Variants in MAML3 observed in about 807,000 individuals in gnomAD.
MAML3 encodes mastermind-like protein 3.
A neutral mutation model predicts 101.9 loss-of-function variants in MAML3; 27 were observed. The observed-to-expected ratio is 0.27, with a 90% CI of 0.20 to 0.37. The LOEUF is 0.37. Among genes scored for constraint, MAML3 ranks in the 10% least tolerant of loss-of-function variants. MAML3 has a pLI of 1.00. For synonymous variants in MAML3, 501 were observed against 555.9 expected (o/e 0.90, Z 1.39); for missense variants, 1,316 against 1,444.9 (o/e 0.91, Z 1.45).
At chr4:139,978,455 C>T (rs1734384416) in intron 1 of MAML3, among the ~76,000 whole-genome samples, 1 of 152,076 alleles carries the variant, frequency 6.6e-6, no homozygotes, top group Non-Finnish European at 1.5e-5. Flanking sequence ...CCACTTCTCT[C>T]TGAAAGGAAA....
intron 1 of MAML3, among the ~76,000 whole-genome samples, chr4:139,949,501 A>C (rs897958159): frequency 2.0e-5 from 3 of 152,220 alleles, no homozygotes; most frequent in Non-Finnish European, 2.9e-5. Flanking sequence ...CTGTCACAAA[A>C]AACCAGGAAG....
chr4:139,970,758 TC>T (rs1734222097), intron 1 of MAML3, among the ~76,000 whole-genome samples: 1 of 152,088 alleles, frequency 6.6e-6, no homozygotes, highest in African/African-American at 2.4e-5. Context: ...TCACAGCAGC[TC>T]CCATTGAATT....
chr4:139,891,590 G>A (rs994113701), intron 1 of MAML3, among the ~76,000 whole-genome samples: 1 of 151,938 alleles, frequency 6.6e-6, no homozygotes, highest in Non-Finnish European at 1.5e-5. Flanking sequence ...CATGAGACTT[G>A]GACCAAAATG....
chr4:140,122,239 T>TA (rs1553977870), intron 1 of MAML3, among the ~76,000 whole-genome samples: 9 of 150,258 alleles, frequency 6.0e-5, no homozygotes, highest in Admixed American at 1.3e-4. Context: ...TTTTTTTTTT[T>TA]AAACAGAGTT....
At chr4:140,087,630 T>C (rs972243978) in intron 1 of MAML3, among the ~76,000 whole-genome samples, 4 of 152,244 alleles carry the variant, frequency 2.6e-5, no homozygotes, top group African/African-American at 9.6e-5. Flanking sequence ...AACTCACATT[T>C]ATTTTTTTAA....
intron 1 of MAML3, among the ~76,000 whole-genome samples, chr4:139,938,459 T>C (rs1733546074): frequency 6.6e-6 from 1 of 152,228 alleles, no homozygotes; most frequent in Admixed American, 6.5e-5. Flanking sequence ...TTTACACTCA[T>C]TCAAGCCACC....
chr4:140,073,248 G>A (rs369169907), intron 1 of MAML3, among the ~76,000 whole-genome samples: 33 of 150,718 alleles, frequency 2.2e-4, no homozygotes, highest in Admixed American at 1.7e-3. Flanking sequence ...AGCAATTCTC[G>A]TGCCTCAACC....
chr4:140,096,246 G>A (rs947882058), intron 1 of MAML3, among the ~76,000 whole-genome samples: 4 of 152,124 alleles, frequency 2.6e-5, no homozygotes, highest in Admixed American at 1.3e-4. Flanking sequence ...AGATGATGAC[G>A]GTGACAATGA....
chr4:139,725,679 G>A (rs1157571381), intron 4 of MAML3, 72 bp downstream of exon 4: 3 of 1,414,450 alleles, frequency 2.1e-6, no homozygotes, highest in African/African-American at 2.8e-5. Context: ...GTAAGGCAAT[G>A]CCTCTGGCTA....
In MAML3 at chr4:139,717,884, G is replaced by A. The variant is rs992931255; in HGVS notation, c.*1439C>T. On this transcript the variant is annotated 3_prime_UTR_variant, in exon 5 of 5. Coordinates refer to ENST00000509479, the MANE Select transcript of MAML3 (RefSeq NM_018717.5). ...TTGTTGATTCCTTCTGACAGATTTC[G>A]CTTAGGGCAGATGTGCGTCAATTGC... 5.9e-5 allele frequency: 9 copies of A among 152,148 alleles called. 1 individual carries two copies. The highest frequency in any genetic ancestry group is 5.9e-4 in the Admixed American group (9 of 15,268). The allele number at this position is 152,148 out of a possible 1,614,324, so 9.4% of individuals were successfully genotyped here.
rs901441717 is a variant in MAML3, at chr4:139,870,681, G to A, written c.2079+18676C>T. 8.6e-5 allele frequency among the ~76,000 whole-genome samples: 13 copies of A among 151,656 alleles called. 1 individual carries two copies. The highest frequency in any genetic ancestry group is 6.6e-4 in the Admixed American group (10 of 15,232). Reference sequence around the variant, plus strand: ...TTTTTGGACAGGGTCTCACTCTGTCGCCCAGGCTGGAGTTCAGTGGCGCAA... The same window carrying A: ...TTTTTGGACAGGGTCTCACTCTGTCACCCAGGCTGGAGTTCAGTGGCGCAA... On this transcript the variant is annotated intron_variant, in intron 2 of 4. Transcript: ENST00000509479.
At position 139,807,332 on chromosome 4, in the gene MAML3, G is replaced by A. The variant is rs116454703; in HGVS notation, c.2080-76665C>T. Among the ~76,000 whole-genome samples the A allele has an allele frequency of 2.1e-3, 319 of 152,172 alleles. 1 individual carries two copies. The highest frequency in any genetic ancestry group is 3.2e-3 in the Non-Finnish European group (218 of 68,018). The stretch of plus-strand genomic sequence containing the variant: ...GTCTGAGTTTAGAACTCCAACCTAA[G>A]TGGACCTTATAGATTAAAGCAAAAA... On this transcript the variant is annotated intron_variant, in intron 2 of 4. Transcript: ENST00000509479.
intron 2 of MAML3, among the ~76,000 whole-genome samples, chr4:139,807,176 G>A (rs532026070): frequency 1.3e-4 from 20 of 152,154 alleles, no homozygotes; most frequent in African/African-American, 4.3e-4. Flanking sequence ...GCCATTTATC[G>A]TTCTCTAAAC....
intron 4 of MAML3, among the ~76,000 whole-genome samples, chr4:139,720,635 T>G (rs1478796974): frequency 6.6e-6 from 1 of 152,254 alleles, no homozygotes; most frequent in Admixed American, 6.5e-5. Flanking sequence ...GTACTGTGCA[T>G]GTGTTTTTGT....
intron 1 of MAML3, among the ~76,000 whole-genome samples, chr4:140,131,987 A>G (rs1348343561): frequency 1.3e-5 from 2 of 152,266 alleles, no homozygotes; most frequent in Admixed American, 6.5e-5. Context: ...AGTAACATCC[A>G]TTTAAAGGCA....
chr4:139,953,369 T>C (rs1455445015), intron 1 of MAML3, among the ~76,000 whole-genome samples: 3 of 152,240 alleles, frequency 2.0e-5, no homozygotes, highest in Non-Finnish European at 4.4e-5. Context: ...CTCATGCCTA[T>C]AATCCTAACA....
At chr4:140,060,378 A>AAAAAAAAAAAAAAAAAAAAAAAAAAAC (rs1304930604) in intron 1 of MAML3, among the ~76,000 whole-genome samples, 1 of 147,288 alleles carries the variant, frequency 6.8e-6, no homozygotes, top group Admixed American at 6.8e-5. Flanking sequence ...AAAAAAAAAA[A>AAAAAAAAAAAAAAAAAAAAAAAAAAAC]AAAAAAAGTC....
At chr4:140,004,471 G>A (rs934495965) in intron 1 of MAML3, among the ~76,000 whole-genome samples, 2 of 152,158 alleles carry the variant, frequency 1.3e-5, no homozygotes, top group Non-Finnish European at 2.9e-5. Context: ...CTCCTTCTGA[G>A]CGTCTACTTC....
Position 140,153,040 on chromosome 4 carries a change from C to T in MAML3, c.288G>A (p.Gln96=), listed in dbSNP as rs1729204572. Residue 96 remains glutamine, a synonymous_variant, in exon 1 of 5, where the codon CAG becomes CAA. Transcript: ENST00000509479. ...RHHVNCENRY[Q]QAQVEQLELE... ...GCTCCAGCTGCTCCACCTGAGCCTGCTGGTACCTGTTCTCGCAGTTGACGT... is the reference window on the plus strand; with the variant it reads ...GCTCCAGCTGCTCCACCTGAGCCTGTTGGTACCTGTTCTCGCAGTTGACGT... The T allele has an allele frequency of 3.1e-6, 5 of 1,588,946 alleles. No individual in the cohort carries two copies. The East Asian group carries it at 1.1e-4, about 36-fold the overall frequency.
Sources: gnomAD v4.1 joint callset for allele counts (sites outside exome capture counted in the v4.1 genomes callset) on GRCh38, gnomAD v4.1.1 for gene constraint, MANE v1.5 for transcripts, NCBI Gene and HGNC (gene_info 2026-07-23, HGNC 2026-07-21) for gene names.